PSEN1: variants seen among roughly 807,000 people sequenced by gnomAD.
PSEN1 encodes presenilin 1, also known as presenilin-1.
A neutral mutation model predicts 53.5 loss-of-function variants in PSEN1; 15 were observed. The ratio of observed to expected loss-of-function variants is 0.28; its 90% CI spans 0.19 to 0.43. PSEN1 has a LOEUF of 0.43. Ranked by LOEUF, PSEN1 falls within the 20% of genes least tolerant of loss-of-function variation. The pLI is 1.00. For synonymous variants in PSEN1, 208 were observed against 209.8 expected (o/e 0.99, Z 0.08); for missense variants, 387 against 571.2 (o/e 0.68, Z 3.29).
intron 8 of PSEN1, among the ~76,000 whole-genome samples, chr14:73,203,666 T>G (rs1382522831): frequency 6.6e-6 from 1 of 152,192 alleles, no homozygotes; most frequent in Non-Finnish European, 1.5e-5. Flanking sequence ...CATTTTTGTT[T>G]TTTACTTCTG....
chr14:73,175,833 A>T (rs1156851670), intron 5 of PSEN1, among the ~76,000 whole-genome samples: 1 of 152,252 alleles, frequency 6.6e-6, no homozygotes, highest in Non-Finnish European at 1.5e-5. Context: ...GGGGCAAATT[A>T]TCTACATATT....
At chr14:73,205,312 TA>T (rs925785398) in intron 8 of PSEN1, among the ~76,000 whole-genome samples, 3 of 150,956 alleles carry the variant, frequency 2.0e-5, no homozygotes, top group Non-Finnish European at 3.0e-5. Context: ...CCACCTCTAC[TA>T]AAAAAAATAC....
In PSEN1 at chr14:73,198,154, A is replaced by T. The variant is rs776429004; in HGVS notation, c.868+25A>T. On this transcript the variant is annotated intron_variant, in intron 8 of 11. Coordinates refer to ENST00000324501, the MANE Select transcript of PSEN1 (RefSeq NM_000021.4). ...TGTAAGTATTTGAGAAGGATATTGA[A>T]TTAGTAATCAGTGTAGAATTTATCG... 6 of 1,295,122 alleles carry T rather than the reference A, an allele frequency of 4.6e-6. No individual in the cohort carries two copies. The South Asian group carries it at 4.8e-5, about 10-fold the overall frequency. The allele number at this position is 1,295,122 out of a possible 1,614,324, so 80.2% of individuals were successfully genotyped here.
intron 5 of PSEN1, among the ~76,000 whole-genome samples, chr14:73,175,467 C>T (rs1289717979): frequency 2.0e-5 from 3 of 151,468 alleles, no homozygotes; most frequent in South Asian, 2.1e-4. Context: ...CATAGTAAGA[C>T]CTATCTCTAC....
At chr14:73,176,756 A>T (rs1011526997) in intron 5 of PSEN1, among the ~76,000 whole-genome samples, 5 of 152,152 alleles carry the variant, frequency 3.3e-5, no homozygotes, top group Admixed American at 1.3e-4. Context: ...CCCTACTATT[A>T]TCCCAGTTTT....
At chr14:73,196,227 G>A (rs1244242677) in intron 7 of PSEN1, among the ~76,000 whole-genome samples, 1 of 152,050 alleles carries the variant, frequency 6.6e-6, no homozygotes, top group Non-Finnish European at 1.5e-5. Context: ...TTCTTTAAGG[G>A]AGAGTGTATC....
intron 4 of PSEN1, 49 bp from the exon 5 acceptor site, chr14:73,173,517 T>A (rs1463108239): frequency 6.3e-7 from 1 of 1,577,998 alleles, no homozygotes; most frequent in East Asian, 2.2e-5. Flanking sequence ...ATGTGGTTGG[T>A]GATCTCCATT....
intron 3 of PSEN1, among the ~76,000 whole-genome samples, chr14:73,167,553 C>A (rs1370292492): frequency 1.3e-5 from 2 of 152,134 alleles, no homozygotes; most frequent in Admixed American, 1.3e-4. Flanking sequence ...CTTGATACTA[C>A]CACAATGGCA....
chr14:73,136,744 A>G (rs1896754170), intron 1 of PSEN1, 161 bp downstream of exon 1: 1 of 152,004 alleles, frequency 6.6e-6, no homozygotes, highest in African/African-American at 2.4e-5. Flanking sequence ...CGTGTGGGAA[A>G]CCAGGAGGGG....
intron 7 of PSEN1, chr14:73,197,660 C>T (rs1899009422): frequency 4.4e-6 from 1 of 227,022 alleles, no homozygotes; most frequent in African/African-American, 2.3e-5. Flanking sequence ...AGTGACTTCT[C>T]CCTGTTTCTG....
chr14:73,159,042 A>G (rs1408154553), intron 3 of PSEN1, among the ~76,000 whole-genome samples: 2 of 152,138 alleles, frequency 1.3e-5, no homozygotes, highest in African/African-American at 4.8e-5. Context: ...TTGCCCATTT[A>G]AAAATTGCTT....
chr14:73,153,020 A>T (rs1302253202), intron 3 of PSEN1, among the ~76,000 whole-genome samples: 3 of 152,252 alleles, frequency 2.0e-5, no homozygotes, highest in African/African-American at 7.2e-5. Context: ...ATTGTACTCC[A>T]GCCTAGGTGA....
Position 73,219,467 on chromosome 14 carries a change from G to A in PSEN1, c.*178G>A. The stretch of plus-strand genomic sequence containing the variant: ...GCACTATTGGACTTTGGAAGGAGGT[G>A]CCTATAGAAAACGATTTTGAACATA... On this transcript the variant is annotated 3_prime_UTR_variant, in exon 12 of 12. Coordinates refer to ENST00000324501, the MANE Select transcript of PSEN1 (RefSeq NM_000021.4). 1.4e-6 allele frequency: 1 copy of A among 709,710 alleles called. No homozygotes were observed. The highest frequency in any genetic ancestry group is 2.4e-6 in the Non-Finnish European group (1 of 412,568). 44.0% of individuals were successfully genotyped at this position (709,710 alleles called of 1,614,324 possible).
At chr14:73,174,582 C>CT (rs1469737477) in intron 5 of PSEN1, among the ~76,000 whole-genome samples, 1 of 152,210 alleles carries the variant, frequency 6.6e-6, no homozygotes, top group African/African-American at 2.4e-5. Context: ...GAAATATACT[C>CT]TAAGACCTTT....
intron 3 of PSEN1, among the ~76,000 whole-genome samples, chr14:73,155,771 G>A (rs1266676449): frequency 1.3e-5 from 2 of 151,956 alleles, no homozygotes; most frequent in Non-Finnish European, 2.9e-5. Context: ...CTCCCGTCTC[G>A]GCCTCCTGAA....
intron 3 of PSEN1, among the ~76,000 whole-genome samples, chr14:73,164,352 T>G (rs1197009591): frequency 3.9e-5 from 6 of 152,204 alleles, no homozygotes; most frequent in Non-Finnish European, 8.8e-5. Context: ...ACTAAAAATG[T>G]CTGGAATTTT....
At chr14:73,157,521 T>C (rs1385503637) in intron 3 of PSEN1, among the ~76,000 whole-genome samples, 1 of 152,158 alleles carries the variant, frequency 6.6e-6, no homozygotes, top group East Asian at 1.9e-4. Flanking sequence ...CAGTGTGATG[T>C]TTTGATATAT....
chr14:73,203,866 A>G (rs977998392), intron 8 of PSEN1, among the ~76,000 whole-genome samples: 54 of 152,234 alleles, frequency 3.5e-4, no homozygotes, highest in African/African-American at 1.3e-3. Context: ...TTAATTTTTA[A>G]ATCTGCATAT....
chr14:73,159,357 G>A (rs1335360681), intron 3 of PSEN1, among the ~76,000 whole-genome samples: 2 of 151,988 alleles, frequency 1.3e-5, no homozygotes, highest in East Asian at 1.9e-4. Flanking sequence ...AATTCCGTTT[G>A]TATTTCATTG....
Sources: gnomAD v4.1 joint callset for allele counts (sites outside exome capture counted in the v4.1 genomes callset) on GRCh38, gnomAD v4.1.1 for gene constraint, MANE v1.5 for transcripts, NCBI Gene and HGNC (gene_info 2026-07-23, HGNC 2026-07-21) for gene names.